LHFPL3: variants seen among roughly 807,000 people sequenced by gnomAD.
LHFPL3 encodes LHFPL tetraspan subfamily member 3.
In LHFPL3, 5 loss-of-function variants were observed where a neutral mutation model predicts 19.3. That is an observed-to-expected ratio of 0.26 (90% CI 0.14 to 0.54). The LOEUF is 0.54. Ranked by LOEUF, LHFPL3 falls within the 20% of genes least tolerant of loss-of-function variation. The pLI is 0.94. For synonymous variants in LHFPL3, 133 were observed against 126.2 expected, an observed-to-expected ratio of 1.05 and a Z score of -0.36; for missense variants, 249 against 307.4, an observed-to-expected ratio of 0.81 and a Z score of 1.42.
chr7:104,878,593 T>C (rs188271744), intron 2 of LHFPL3, among the ~76,000 whole-genome samples: 3 of 152,252 alleles, frequency 2.0e-5, no homozygotes, highest in Admixed American at 6.5e-5. Flanking sequence ...TTCCATGAGA[T>C]ACAACAATTT....
At chr7:104,606,314 A>G (rs115355240) in intron 1 of LHFPL3, among the ~76,000 whole-genome samples, 42 of 152,356 alleles carry the variant, frequency 2.8e-4, no homozygotes, top group Middle Eastern at 3.4e-3. Flanking sequence ...ATAGCAAAAC[A>G]GAGATATCAG....
chr7:104,557,650 G>GT (rs1554406884), intron 1 of LHFPL3, among the ~76,000 whole-genome samples: 1 of 151,846 alleles, frequency 6.6e-6, no homozygotes, highest in African/African-American at 2.4e-5. Flanking sequence ...ACTTTAATCT[G>GT]TTTTTTATTT....
At chr7:104,398,759 G>A (rs928527681) in intron 1 of LHFPL3, among the ~76,000 whole-genome samples, 12 of 152,072 alleles carry the variant, frequency 7.9e-5, no homozygotes, top group African/African-American at 1.7e-4. Flanking sequence ...GACAGCTGCC[G>A]TATCCCGTTT....
At chr7:104,882,519 A>T (rs1256967780) in intron 2 of LHFPL3, among the ~76,000 whole-genome samples, 1 of 152,198 alleles carries the variant, frequency 6.6e-6, no homozygotes, top group Admixed American at 6.5e-5. Context: ...AAGTGCTGGG[A>T]TTACAGGCGT....
intron 2 of LHFPL3, among the ~76,000 whole-genome samples, chr7:104,887,928 G>A (rs1456523741): frequency 6.6e-6 from 1 of 152,314 alleles, no homozygotes; most frequent in East Asian, 1.9e-4. Flanking sequence ...TTTTATTTGT[G>A]ACAACTCTCA....
intron 1 of LHFPL3, among the ~76,000 whole-genome samples, chr7:104,484,180 C>G (rs1294945969): frequency 1.3e-5 from 2 of 152,130 alleles, no homozygotes; most frequent in African/African-American, 4.8e-5. Context: ...GTAACTGTGT[C>G]CTACCTCTTC....
chr7:104,811,050 T>C (rs1204506446), intron 2 of LHFPL3, among the ~76,000 whole-genome samples: 1 of 152,224 alleles, frequency 6.6e-6, no homozygotes, highest in Non-Finnish European at 1.5e-5. Context: ...TCTTAGGCTT[T>C]AGGTTAGAGT....
At chr7:104,906,083 T>G in intron 2 of LHFPL3, 104 bp from the exon 3 acceptor site, 1 of 1,102,712 alleles carries the variant, frequency 9.1e-7, no homozygotes, top group Non-Finnish European at 1.4e-6. Context: ...ATTGGTATAG[T>G]TTTTCCGTGA....
chr7:104,478,065 T>G (rs757274190), intron 1 of LHFPL3, among the ~76,000 whole-genome samples: 154 of 152,354 alleles, frequency 1.0e-3, no homozygotes, highest in Non-Finnish European at 6.8e-4. Context: ...TAAATGTCAG[T>G]GCTTTGTATT....
intron 2 of LHFPL3, among the ~76,000 whole-genome samples, chr7:104,840,697 A>AAATC (rs1292792014): frequency 6.6e-6 from 1 of 151,846 alleles, no homozygotes; most frequent in East Asian, 1.9e-4. Context: ...ATTTGAAGGA[A>AAATC]AATCAGTCAA....
chr7:104,507,232 A>G (rs1454547426), intron 1 of LHFPL3, among the ~76,000 whole-genome samples: 3 of 151,136 alleles, frequency 2.0e-5, no homozygotes, highest in Non-Finnish European at 4.4e-5. Flanking sequence ...AGTAACCAAA[A>G]CAGCATGGTA....
At chr7:104,394,471 G>A (rs1172322179) in intron 1 of LHFPL3, among the ~76,000 whole-genome samples, 1 of 152,082 alleles carries the variant, frequency 6.6e-6, no homozygotes, top group Non-Finnish European at 1.5e-5. Flanking sequence ...GAGATAAATA[G>A]CCATTTCTAA....
chr7:104,453,597 A>G (rs185256483), intron 1 of LHFPL3, among the ~76,000 whole-genome samples: 136 of 152,338 alleles, frequency 8.9e-4, no homozygotes, highest in Non-Finnish European at 1.6e-3. Flanking sequence ...ACTGATGGCC[A>G]GGAAGAAACC....
At chr7:104,820,150 G>A (rs935604714) in intron 2 of LHFPL3, among the ~76,000 whole-genome samples, 4 of 152,166 alleles carry the variant, frequency 2.6e-5, no homozygotes, top group African/African-American at 4.8e-5. Flanking sequence ...GAAAATCCAC[G>A]TGCATTCACA....
chr7:104,579,882 A>G (rs1250667158), intron 1 of LHFPL3, among the ~76,000 whole-genome samples: 1 of 152,184 alleles, frequency 6.6e-6, no homozygotes, highest in Admixed American at 6.5e-5. Context: ...ACCTAGAGCT[A>G]GAGCTTGCTC....
intron 1 of LHFPL3, among the ~76,000 whole-genome samples, chr7:104,716,501 A>T (rs576503661): frequency 4.6e-5 from 7 of 152,334 alleles, no homozygotes; most frequent in African/African-American, 1.7e-4. Context: ...ATCAACATAC[A>T]AAATTCTGTT....
chr7:104,650,259 T>C (rs1450300779), intron 1 of LHFPL3, among the ~76,000 whole-genome samples: 1 of 152,212 alleles, frequency 6.6e-6, no homozygotes, highest in Non-Finnish European at 1.5e-5. Context: ...AATGAGGATA[T>C]GGCTTCTCCA....
intron 1 of LHFPL3, among the ~76,000 whole-genome samples, chr7:104,431,324 T>C (rs1791999016): frequency 6.6e-6 from 1 of 152,196 alleles, no homozygotes; most frequent in Admixed American, 6.5e-5. Context: ...CTATTCATTT[T>C]TATAAAATTC....
At chr7:104,416,218 A>G (rs1396345319) in intron 1 of LHFPL3, among the ~76,000 whole-genome samples, 1 of 152,198 alleles carries the variant, frequency 6.6e-6, no homozygotes. Flanking sequence ...CTAGAAGCCA[A>G]GGAATTCCAA....
Sources: gnomAD v4.1 joint callset for allele counts (sites outside exome capture counted in the v4.1 genomes callset) on GRCh38, gnomAD v4.1.1 for gene constraint, MANE v1.5 for transcripts, NCBI Gene and HGNC (gene_info 2026-07-23, HGNC 2026-07-21) for gene names.